The following ADCY4 variants were observed in gnomAD, a reference collection of about 807,000 sequenced individuals.
ADCY4 encodes the protein adenylate cyclase type 4.
In ADCY4, 111 loss-of-function variants were observed where a neutral mutation model predicts 125.5. The ratio of observed to expected loss-of-function variants is 0.88; its 90% CI spans 0.76 to 1.04. ADCY4 has a LOEUF of 1.04. Ranked by LOEUF, ADCY4 falls within the 50% of genes least tolerant of loss-of-function variation. ADCY4 has a pLI of 0.00. For synonymous variants in ADCY4, 576 were observed against 586.9 expected (o/e 0.98, Z 0.27); for missense variants, 1,256 against 1,382.9 (o/e 0.91, Z 1.46).
rs747577315 is a variant in ADCY4 at position 24,322,124 on chromosome 14, TC to T, written c.2527del (p.Glu843ArgfsTer54). ...GGCCACGTGTGCAGGGAGCACGTTCTCCAAGAGCAGCCGAGTCAGGTTCTCC... is the reference window on the plus strand; with the variant it reads ...GGCCACGTGTGCAGGGAGCACGTTCTCAAGAGCAGCCGAGTCAGGTTCTCC... ...TMENLTRLLL[E>X]NVLPAHVAPQ... On this transcript the variant is annotated frameshift_variant, in exon 20 of 25. Transcript: ENST00000418030. LOFTEE classifies it high-confidence loss of function. The T allele has an allele frequency of 1.2e-6, 2 of 1,614,152 alleles. No individual in the cohort carries two copies. Among genetic ancestry groups the T allele is most frequent in the East Asian group, 4.5e-5 (2 of 44,882 alleles).
chr14:24,323,762 C>T (rs1287169859), intron 16 of ADCY4: 1 of 610,802 alleles, frequency 1.6e-6, no homozygotes. Context: ...AGGTGCCCAC[C>T]AGGAATAGAA....
chr14:24,322,487 AAGG>A (rs1441881635), intron 19 of ADCY4, 134 bp downstream of exon 19: 21 of 967,042 alleles, frequency 2.2e-5, no homozygotes, highest in Non-Finnish European at 3.1e-5. Flanking sequence ...GCAGGGAGTG[AAGG>A]AGAAGAAAGG....
chr14:24,320,579 A>G (rs2041835556), intron 20 of ADCY4, among the ~76,000 whole-genome samples: 1 of 152,200 alleles, frequency 6.6e-6, no homozygotes, highest in Admixed American at 6.5e-5. Context: ...TGTTTCTTTT[A>G]ACATCCCTCA....
rs750208523 is a variant in ADCY4 at position 24,318,515 on chromosome 14, G to T, written c.3135C>A (p.Ser1045Arg). 20 of 1,614,172 alleles carry T rather than the reference G, an allele frequency of 1.2e-5. No individual in the cohort carries two copies. The East Asian group carries it at 2.7e-4, about 22-fold the overall frequency. ...TGCCTTTCACCTTGATGACACCCCG[G>T]CTGTAGCAGGTGTAGCCCAGGGACT... ...ALQSLGYTCY[S>R]RGVIKVKGKG... Residue 1045 changes from serine (S) to arginine (R), a missense_variant, in exon 25 of 25, where the codon AGC becomes AGA. Ser to Arg is a moderately radical substitution (Grantham distance 110, BLOSUM62 -1). Transcript: ENST00000418030.
Position 24,326,980 on chromosome 14 carries a change from T to A in ADCY4, c.1525-638A>T, listed in dbSNP as rs1477935526. Among the ~76,000 whole-genome samples the A allele has an allele frequency of 2.9e-5, 4 of 138,652 alleles. No homozygotes were observed. In the Admixed American group the frequency reaches 3.1e-4, roughly 11 times the overall value. 91.0% of individuals were successfully genotyped at this position (138,652 alleles called of 152,430 possible). ...GGTGCAATCTCAGCTCACTGCAACC[T>A]CCGCCTTCCAGGTTCAAGCAATTCT... On this transcript the variant is annotated intron_variant, in intron 10 of 24. Coordinates refer to ENST00000418030, the MANE Select transcript of ADCY4 (RefSeq NM_001198568.2).
rs200354610 is a variant in ADCY4 at position 24,332,829 on chromosome 14, A to G, written c.319T>C (p.Phe107Leu). The change falls in exon 2 of 25, where the codon TTC becomes CTC. Residue 107 changes from phenylalanine (F) to leucine (L), a missense_variant. By Grantham distance (22) the Phe-to-Leu change is conservative. Coordinates refer to ENST00000418030, the MANE Select transcript of ADCY4 (RefSeq NM_001198568.2). ...WVALLALGHA[F>L]LFTGGVVSAW... ...CTCACCACGCCCCCGGTGAACAGGAAGGCGTGGCCTAGCGCTAGCAGCGCG... is the reference window on the plus strand; with the variant it reads ...CTCACCACGCCCCCGGTGAACAGGAGGGCGTGGCCTAGCGCTAGCAGCGCG... 5.1e-5 allele frequency: 81 copies of G among 1,582,348 alleles called. 1 individual carries two copies. In the East Asian group the frequency reaches 1.8e-3, roughly 36 times the overall value.
Position 24,322,931 on chromosome 14 carries a change from C to A in ADCY4, c.2315G>T (p.Arg772Leu), listed in dbSNP as rs375668939. 3 of 1,607,944 alleles carry A rather than the reference C, an allele frequency of 1.9e-6. No homozygotes were observed. Among genetic ancestry groups the A allele is most frequent in the Non-Finnish European group, 8.5e-7 (1 of 1,177,290 alleles). ...GGAGTCCAAGGGGCCCAGATAGAGG[C>A]GGACGATGAGGCATTCCGACAGCCA... ...HAWLSECLIV[R>L]LYLGPLDSRP... The change falls in exon 18 of 25, where the codon CGC (arginine) becomes CTC (leucine). Residue 772 changes from arginine (R) to leucine (L), a missense_variant. Arg to Leu is a moderately radical substitution (Grantham distance 102). Coordinates refer to ENST00000418030, the MANE Select transcript of ADCY4 (RefSeq NM_001198568.2).
chr14:24,321,208 C>T lies in ADCY4; in HGVS notation c.2586+858G>A, dbSNP rs141357472. On this transcript the variant is annotated intron_variant, in intron 20 of 24. Transcript: ENST00000418030. Reference sequence around the variant, plus strand: ...GGTGGATCACCTGAGATCAGGAGATCGAGATCAGCCTGACCAACATGGTGA... The same window carrying T: ...GGTGGATCACCTGAGATCAGGAGATTGAGATCAGCCTGACCAACATGGTGA... 4.7e-3 allele frequency among the ~76,000 whole-genome samples: 696 copies of T among 148,838 alleles called. 9 individuals carry two copies. The highest frequency in any genetic ancestry group is 0.016 in the African/African-American group (655 of 40,382).
chr14:24,329,812 A>G, intron 8 of ADCY4, 48 bp downstream of exon 8: 3 of 1,588,978 alleles, frequency 1.9e-6, no homozygotes, highest in Non-Finnish European at 2.6e-6. Flanking sequence ...AGCCTGTGGT[A>G]GGCCTGGTTG....
intron 1 of ADCY4, among the ~76,000 whole-genome samples, chr14:24,333,502 T>A (rs1010913607): frequency 6.6e-6 from 1 of 152,166 alleles, no homozygotes; most frequent in Non-Finnish European, 1.5e-5. Context: ...GTGCTGGGAT[T>A]ACAGGCGTGA....
chr14:24,331,630 A>T, intron 4 of ADCY4, 158 bp downstream of exon 4: 3 of 1,189,492 alleles, frequency 2.5e-6, no homozygotes, highest in South Asian at 3.3e-5. Flanking sequence ...TTTGAGCCTC[A>T]CAACCTTCTA....
At position 24,332,485 on chromosome 14, in the gene ADCY4, CCGTCCTGAGCGCAGCCTGTGCT is replaced by C; in HGVS notation, c.519+15_519+36del. 1 of 1,546,136 alleles carries C rather than the reference CCGTCCTGAGCGCAGCCTGTGCT, an allele frequency of 6.5e-7. No individual in the cohort carries two copies. Among genetic ancestry groups the C allele is most frequent in the Non-Finnish European group, 8.7e-7 (1 of 1,144,746 alleles). ...AGGAGCCTACTAGCACGTGGCAGAGCCGTCCTGAGCGCAGCCTGTGCTACTTGCGTGCTCACCTGCGGCAGCA... is the reference window on the plus strand; with the variant it reads ...AGGAGCCTACTAGCACGTGGCAGAGCACTTGCGTGCTCACCTGCGGCAGCA... On this transcript the variant is annotated intron_variant, in intron 3 of 24. Transcript: ENST00000418030.
Position 24,318,706 on chromosome 14 carries a change from G to A in ADCY4, c.3029C>T (p.Thr1010Ile). 3.1e-6 allele frequency: 5 copies of A among 1,614,166 alleles called. No individual in the cohort carries two copies. The highest frequency in any genetic ancestry group is 4.2e-6 in the Non-Finnish European group (5 of 1,180,034). The change falls in exon 24 of 25, where the codon ACA (threonine) becomes ATA (isoleucine). Residue 1010 changes from threonine (T) to isoleucine (I), a missense_variant. Physicochemically the swap from Thr to Ile is moderately conservative, Grantham distance 89. Coordinates refer to ENST00000418030, the MANE Select transcript of ADCY4 (RefSeq NM_001198568.2). ...CTCCATGCGGCTGGCCACGTTCACT[G>A]TGTTGCCCCAAATGTCATATTGCGG... Reference protein sequence around the residue: ...QKPQYDIWGNTVNVASRMEST... With the variant: ...QKPQYDIWGNIVNVASRMEST...
In ADCY4 at chr14:24,329,482, A is replaced by T; in HGVS notation, c.1269T>A (p.Ala423=). Residue 423 remains alanine (A), a synonymous_variant, in exon 9 of 25, where the codon GCT becomes GCA. Coordinates refer to ENST00000418030, the MANE Select transcript of ADCY4 (RefSeq NM_001198568.2). ...GATGCTCCATGCCTGCGTCCTCCAC[A>T]GCATAAGCCCCTGCCAGCAGGGCCA... is the stretch of plus-strand genomic sequence containing the variant. ...ATLALLAGAY[A]VEDAGMEHRD... is the part of the protein sequence containing the mutation. The T allele has an allele frequency of 6.4e-7, 1 of 1,574,250 alleles. No homozygotes were observed. The highest frequency in any genetic ancestry group is 8.6e-7 in the Non-Finnish European group (1 of 1,163,392).
Position 24,326,084 on chromosome 14 carries a change from C to T in ADCY4, c.1650G>A (p.Ser550=), listed in dbSNP as rs149940215. The part of the protein sequence containing the change: ...KFFQVIEQLN[S]QKQWKQSKDF... ...GCCCTCTTTGTTCTCCGTACTTCTGCGAGTTGAGCTGCTCAATGACCTGGA... is the reference window on the plus strand; with the variant it reads ...GCCCTCTTTGTTCTCCGTACTTCTGTGAGTTGAGCTGCTCAATGACCTGGA... Residue 550 remains serine, a synonymous_variant, in exon 12 of 25, where the codon TCG becomes TCA. Transcript: ENST00000418030. 7.0e-6 allele frequency: 11 copies of T among 1,575,874 alleles called. No individual in the cohort carries two copies. In the East Asian group the frequency reaches 2.0e-4, roughly 29 times the overall value.
In ADCY4 at chr14:24,329,376, C is replaced by T. The variant is rs376696399; in HGVS notation, c.1350+25G>A. The T allele has an allele frequency of 2.6e-6, 4 of 1,544,946 alleles. No individual in the cohort carries two copies. The African/African-American group carries it at 4.1e-5, about 16-fold the overall frequency. ...GTGGGGTGGTTTGTGTAGGCCAGCC[C>T]ATGGGGTCTGGGCTGGGCTTTTACC... On this transcript the variant is annotated intron_variant, in intron 9 of 24. Transcript: ENST00000418030.
In ADCY4 at chr14:24,322,982, C is replaced by G. The variant is rs1468700718; in HGVS notation, c.2264G>C (p.Cys755Ser). The G allele has an allele frequency of 3.7e-6, 6 of 1,613,824 alleles. No individual in the cohort carries two copies. The highest frequency in any genetic ancestry group is 2.7e-5 in the African/African-American group (2 of 74,922). Residue 755 changes from cysteine to serine, a missense_variant, in exon 18 of 25, where the codon TGC becomes TCC. Coordinates refer to ENST00000418030, the MANE Select transcript of ADCY4 (RefSeq NM_001198568.2). ...GGCATGGGAGTGCAGGAAGAGGGAG[C>G]AGGATGCCGCCAGCCACAGCAGGAG... ...LLLLLWLAAS[C>S]SLFLHSHAWL...
At chr14:24,322,873 C>A in intron 18 of ADCY4, 31 bp downstream of exon 18, 1 of 1,563,098 alleles carries the variant, frequency 6.4e-7, no homozygotes, top group Non-Finnish European at 8.7e-7. Flanking sequence ...TCCCAGGGGG[C>A]CCGGCACCTC....
intron 3 of ADCY4, 189 bp from the exon 4 acceptor site, chr14:24,332,126 A>G: frequency 4.7e-6 from 3 of 635,472 alleles, no homozygotes; most frequent in East Asian, 3.4e-5. Context: ...CCTCCTCCAG[A>G]CTCTCGGCTG....
Sources: allele counts gnomAD v4.1 joint callset (sites outside exome capture counted in the v4.1 genomes callset), GRCh38; gene constraint gnomAD v4.1.1; transcripts MANE v1.5; gene names NCBI Gene and HGNC (gene_info 2026-07-23, HGNC 2026-07-21).